IL13RA1: variants seen among roughly 807,000 people sequenced by gnomAD.
The protein encoded by IL13RA1 is interleukin 13 receptor subunit alpha 1.
Under a neutral mutation model 33.8 loss-of-function variants are expected in IL13RA1, and 14 were observed. The ratio of observed to expected loss-of-function variants is 0.41; its 90% CI spans 0.27 to 0.65. The LOEUF (loss-of-function observed/expected upper bound fraction) is 0.65, where lower values mean the gene tolerates loss of function less well. Ranked by LOEUF, IL13RA1 falls within the 30% of genes least tolerant of loss-of-function variation. The pLI, the probability that IL13RA1 is intolerant of heterozygous loss-of-function variation, is 0.28. For synonymous variants in IL13RA1, 116 were observed against 115.7 expected (o/e 1.00, Z -0.02); for missense variants, 313 against 327.0 (o/e 0.96, Z 0.33).
chrX:118,749,580 T>A, intron 3 of IL13RA1, 78 bp from the exon 4 acceptor site: 1 of 977,565 alleles, frequency 1.0e-6, no homozygotes, highest in Non-Finnish European at 1.4e-6. Flanking sequence ...ACTCTCATCA[T>A]CCCCATGCCA....
Position 118,794,532 on chromosome X carries a change from C to A in IL13RA1, c.*2678C>A, listed in dbSNP as rs955763243. On this transcript the variant is annotated 3_prime_UTR_variant, in exon 11 of 11. Transcript: ENST00000371666. Reference sequence around the variant, plus strand: ...AAATAAATATTGTCTTTTTGTATGTCACCCAAATGTTTTCCTTTGGTCTTA... The same window carrying A: ...AAATAAATATTGTCTTTTTGTATGTAACCCAAATGTTTTCCTTTGGTCTTA... 5 of 112,120 alleles carry A rather than the reference C, an allele frequency of 4.5e-5. No individual in the cohort carries two copies. Among genetic ancestry groups the A allele is most frequent in the Admixed American group, 9.5e-5 (1 of 10,544 alleles). 9.2% of individuals were successfully genotyped at this position (112,120 alleles called of 1,213,427 possible). A position where few individuals can be genotyped will look rare whatever the true frequency, so the allele number is the denominator to read the frequency against.
chrX:118,760,235 A>G (rs1160107286), intron 5 of IL13RA1, among the ~76,000 whole-genome samples: 1 of 111,535 alleles, frequency 9.0e-6, no homozygotes, highest in African/African-American at 3.3e-5. Flanking sequence ...CCACCTTTCT[A>G]CTTTCTGTTT....
rs199572385 is a variant in IL13RA1, at chrX:118,754,618, CA to C, written c.489-3436del. Among the ~76,000 whole-genome samples, 13 of 104,664 alleles carry C rather than the reference CA, an allele frequency of 1.2e-4. No homozygotes were observed. The East Asian group carries it at 3.4e-3, about 28-fold the overall frequency. 90.9% of individuals were successfully genotyped at this position (104,664 alleles called of 115,157 possible). ...CACCACTGCACTCCAGTCTGGGCAA[CA>C]GAGCAAGACTCCATCTCAAAAAAAA... On this transcript the variant is annotated intron_variant, in intron 4 of 10. Coordinates refer to ENST00000371666, the MANE Select transcript of IL13RA1 (RefSeq NM_001560.3).
At chrX:118,791,621 CAAA>C (rs11318857) in intron 10 of IL13RA1, 138 bp from the exon 11 acceptor site, 1,466 of 214,207 alleles carry the variant, frequency 6.8e-3, no homozygotes, top group East Asian at 7.9e-3. Flanking sequence ...ATTCTTAGGT[CAAA>C]AAAAAAAAAA....
Position 118,761,236 on chromosome X carries a change from T to G in IL13RA1, c.775T>G (p.Phe259Val), listed in dbSNP as rs1024869278. Residue 259 changes from phenylalanine (F) to valine (V), a missense_variant, in exon 6 of 11, where the codon TTT (phenylalanine) becomes GTT (valine). Coordinates refer to ENST00000371666, the MANE Select transcript of IL13RA1 (RefSeq NM_001560.3). ...ACAGAATTTTATTAGCAGATGCCTA[T>G]TTTATGAAGTAGAAGTCAATAACAG... is the stretch of plus-strand genomic sequence containing the variant. ...NPQNFISRCL[F>V]YEVEVNNSQT... The G allele has an allele frequency of 9.8e-7, 1 of 1,023,304 alleles. No individual in the cohort carries two copies. Among genetic ancestry groups the G allele is most frequent in the Non-Finnish European group, 1.4e-6 (1 of 730,868 alleles). 84.3% of individuals were successfully genotyped at this position (1,023,304 alleles called of 1,213,427 possible).
chrX:118,795,237 GA>G (rs1168591911), downstream of IL13RA1, among the ~76,000 whole-genome samples: 2 of 94,135 alleles, frequency 2.1e-5, no homozygotes, highest in African/African-American at 4.3e-5. Context: ...AAAAGAAAAA[GA>G]AAAAAAAATC....
chrX:118,757,658 G>A (rs2017545733), intron 4 of IL13RA1, among the ~76,000 whole-genome samples: 1 of 89,539 alleles, frequency 1.1e-5, no homozygotes, highest in Non-Finnish European at 2.2e-5. Flanking sequence ...GGACATCTCA[G>A]TCATTAAAAA....
intron 10 of IL13RA1, 64 bp from the exon 11 acceptor site, chrX:118,791,698 G>A (rs772627098): frequency 3.0e-5 from 15 of 496,236 alleles, no homozygotes; most frequent in Middle Eastern, 3.5e-4. Flanking sequence ...TTGGCACTAA[G>A]TACTCAGGGA....
intron 10 of IL13RA1, among the ~76,000 whole-genome samples, chrX:118,785,720 G>A (rs1198641635): frequency 1.8e-5 from 2 of 110,809 alleles, no homozygotes; most frequent in African/African-American, 6.6e-5. Context: ...ACAGGCACAT[G>A]CCACCATGCC....
downstream of IL13RA1, among the ~76,000 whole-genome samples, chrX:118,796,067 A>G (rs370971682): frequency 7.1e-5 from 8 of 112,427 alleles, no homozygotes; most frequent in South Asian, 7.3e-4. Flanking sequence ...GCTTTTTACT[A>G]TCTTTCCTAA....
downstream of IL13RA1, among the ~76,000 whole-genome samples, chrX:118,798,997 T>C (rs760354166): frequency 1.1e-3 from 106 of 97,456 alleles, no homozygotes; most frequent in African/African-American, 3.9e-3. Context: ...GAGGCGCTTG[T>C]GGGCCAGCTG....
At chrX:118,761,746 C>T (rs1301393761) in intron 6 of IL13RA1, among the ~76,000 whole-genome samples, 3 of 111,195 alleles carry the variant, frequency 2.7e-5, no homozygotes, top group African/African-American at 9.8e-5. Context: ...ACTGGGAGAA[C>T]GAGAGGGAAT....
At position 118,791,754 on chromosome X, in the gene IL13RA1, C is replaced by T. The variant is rs1377076640; in HGVS notation, c.1192-8C>T. 2.4e-6 allele frequency: 2 copies of T among 840,966 alleles called. No homozygotes were observed. Among genetic ancestry groups the T allele is most frequent in the Non-Finnish European group, 3.5e-6 (2 of 568,092 alleles). The allele number at this position is 840,966 out of a possible 1,213,427, so 69.3% of individuals were successfully genotyped here. On this transcript the variant is annotated splice_region_variant and splice_polypyrimidine_tract_variant and intron_variant, in intron 10 of 10. Coordinates refer to ENST00000371666, the MANE Select transcript of IL13RA1 (RefSeq NM_001560.3). ...TCATTGTGTATGTGTTTTTTTCCTC[C>T]CTTCTAGCACTGGAAGAAGTACGAC...
chrX:118,768,606 A>C (rs2017675779), intron 8 of IL13RA1, among the ~76,000 whole-genome samples: 1 of 112,473 alleles, frequency 8.9e-6, no homozygotes, highest in South Asian at 3.7e-4. Context: ...GATATAATCA[A>C]GTGAGGATGA....
intron 4 of IL13RA1, among the ~76,000 whole-genome samples, chrX:118,756,015 T>G (rs1249372359): frequency 1.8e-5 from 2 of 111,449 alleles, no homozygotes; most frequent in Admixed American, 1.9e-4. Flanking sequence ...CTGAGTTTTT[T>G]TTTTTTTAAA....
At chrX:118,753,585 G>A (rs745542526) in intron 4 of IL13RA1, among the ~76,000 whole-genome samples, 87 of 113,049 alleles carry the variant, frequency 7.7e-4, no homozygotes, top group Non-Finnish European at 1.4e-3. Flanking sequence ...AAGTACAGTT[G>A]GTGTGATCAT....
chrX:118,783,494 A>G (rs976275781), intron 10 of IL13RA1, among the ~76,000 whole-genome samples: 1 of 111,799 alleles, frequency 8.9e-6, no homozygotes, highest in African/African-American at 3.3e-5. Flanking sequence ...ACATATTCAT[A>G]GAAGCAGTAC....
chrX:118,763,700 C>G (rs2017614772), intron 6 of IL13RA1, among the ~76,000 whole-genome samples: 1 of 112,027 alleles, frequency 8.9e-6, no homozygotes, highest in African/African-American at 3.2e-5. Flanking sequence ...AGCCACACAG[C>G]TAATAAGTCA....
intron 1 of IL13RA1, chrX:118,738,147 C>G (rs2017302272): frequency 8.9e-6 from 1 of 112,183 alleles, no homozygotes; most frequent in Admixed American, 9.5e-5. Context: ...AGGCCTTGTC[C>G]TGCTGTGGGC....
Sources: gnomAD v4.1 joint callset for allele counts (sites outside exome capture counted in the v4.1 genomes callset) on GRCh38, gnomAD v4.1.1 for gene constraint, MANE v1.5 for transcripts, NCBI Gene and HGNC (gene_info 2026-07-23, HGNC 2026-07-21) for gene names.